The following NRG1 variants were observed in gnomAD, a reference collection of about 807,000 sequenced individuals.
NRG1 encodes the protein pro-neuregulin-1, membrane-bound isoform.
NRG1 carries 18 observed loss-of-function variants against 63.8 expected under a neutral mutation model. The observed-to-expected ratio is 0.28, with a 90% CI of 0.19 to 0.42. The LOEUF is 0.42. Among genes scored for constraint, NRG1 ranks in the 10% least tolerant of loss-of-function variants. The probability of loss-of-function intolerance (pLI) is 1.00; values close to 1 mark genes in which losing one functional copy is unlikely to be tolerated. For missense variants in NRG1, 762 were observed against 814.7 expected (o/e 0.94, Z 0.79); for synonymous variants, 302 against 301.3 (o/e 1.00, Z -0.02).
At chr8:31,829,362 G>A (rs1824885722) in intron 1 of NRG1, among the ~76,000 whole-genome samples, 1 of 152,140 alleles carries the variant, frequency 6.6e-6, no homozygotes, top group African/African-American at 2.4e-5. Flanking sequence ...CAATAAACAT[G>A]GTGAATTCAT....
intron 5 of NRG1, among the ~76,000 whole-genome samples, chr8:32,636,549 C>T (rs1851373366): frequency 6.6e-6 from 1 of 152,130 alleles, no homozygotes. Context: ...AAGGATTCTA[C>T]TGATTTCAAC....
At chr8:31,920,742 G>A (rs556556683) in intron 1 of NRG1, among the ~76,000 whole-genome samples, 1 of 152,152 alleles carries the variant, frequency 6.6e-6, no homozygotes, top group East Asian at 1.9e-4. Flanking sequence ...TATCTCAAAG[G>A]GTTGTTGTGA....
chr8:31,980,867 C>A (rs1250529950), intron 1 of NRG1, among the ~76,000 whole-genome samples: 4 of 151,600 alleles, frequency 2.6e-5, no homozygotes, highest in Non-Finnish European at 5.9e-5. Context: ...GAGAATAACA[C>A]GTTGATATCT....
rs188262300 is a variant in NRG1, at chr8:32,070,584, G to A, written c.37+431153G>A. ...ATTTTGATTTATTTTCCTTTTCATA[G>A]CCACCTTATCAAAAAGTCCTGCTAC... On this transcript the variant is annotated intron_variant, in intron 1 of 10. Transcript: ENST00000519301. Among the ~76,000 whole-genome samples the A allele has an allele frequency of 4.6e-5, 7 of 152,108 alleles. No homozygotes were observed. The East Asian group carries it at 1.4e-3, about 29-fold the overall frequency.
At chr8:32,056,670 C>T (rs1822996469) in intron 1 of NRG1, among the ~76,000 whole-genome samples, 1 of 152,154 alleles carries the variant, frequency 6.6e-6, no homozygotes, top group Non-Finnish European at 1.5e-5. Context: ...AATCAACTCA[C>T]TGCAGTCCTT....
intron 1 of NRG1, among the ~76,000 whole-genome samples, chr8:32,508,552 C>T (rs1235943452): frequency 6.6e-6 from 1 of 152,078 alleles, no homozygotes; most frequent in Admixed American, 6.6e-5. Flanking sequence ...CTGCCTCAGC[C>T]TCCCAAAGTT....
chr8:32,370,169 G>T (rs1435951236), intron 1 of NRG1, among the ~76,000 whole-genome samples: 1 of 152,168 alleles, frequency 6.6e-6, no homozygotes, highest in African/African-American at 2.4e-5. Context: ...AGTATGATTT[G>T]TTTTTTCCTA....
At chr8:31,998,866 A>G (rs1194270015) in intron 1 of NRG1, among the ~76,000 whole-genome samples, 1 of 151,974 alleles carries the variant, frequency 6.6e-6, no homozygotes, top group African/African-American at 2.4e-5. Context: ...TATTAAATCA[A>G]TGTAAATTCT....
rs530981661 is a variant in NRG1 at position 32,582,022 on chromosome 8, A to G, written c.101-13806A>G. Reference sequence around the variant, plus strand: ...AGCCCAGGGTAGGTCACTGAGGGTGAAAGTTGCATTCTCTGAAGGGAGCTT... The same window carrying G: ...AGCCCAGGGTAGGTCACTGAGGGTGGAAGTTGCATTCTCTGAAGGGAGCTT... On this transcript the variant is annotated intron_variant, in intron 1 of 11. Transcript: ENST00000356819. Among the ~76,000 whole-genome samples, 493 of 146,324 alleles carry G rather than the reference A, an allele frequency of 3.4e-3. 3 individuals are homozygous for G. Among genetic ancestry groups the G allele is most frequent in the African/African-American group, 0.012 (481 of 39,796 alleles).
chr8:31,770,284 A>T (rs577887471), intron 1 of NRG1, among the ~76,000 whole-genome samples: 1 of 152,328 alleles, frequency 6.6e-6, no homozygotes, highest in South Asian at 2.1e-4. Context: ...ACCTCTAGTA[A>T]AACCCTGAAT....
At chr8:31,731,932 G>T (rs1399294606) in intron 1 of NRG1, among the ~76,000 whole-genome samples, 2 of 152,182 alleles carry the variant, frequency 1.3e-5, no homozygotes, top group Non-Finnish European at 2.9e-5. Context: ...CCTCTGTCAT[G>T]GGGTTGCTGT....
At chr8:32,736,182 T>C (rs1454018989) in intron 6 of NRG1, among the ~76,000 whole-genome samples, 3 of 152,172 alleles carry the variant, frequency 2.0e-5, no homozygotes, top group African/African-American at 4.8e-5. Flanking sequence ...GAAAGAACGC[T>C]AAAACACAAA....
At chr8:31,897,628 T>G (rs1831683165) in intron 1 of NRG1, among the ~76,000 whole-genome samples, 1 of 152,140 alleles carries the variant, frequency 6.6e-6, no homozygotes, top group Admixed American at 6.5e-5. Flanking sequence ...ATGGGAACCC[T>G]GGTTTCCACA....
intron 1 of NRG1, among the ~76,000 whole-genome samples, chr8:32,321,953 CA>C (rs1344946081): frequency 6.6e-6 from 1 of 151,704 alleles, no homozygotes; most frequent in Non-Finnish European, 1.5e-5. Context: ...TCCAGGTGCC[CA>C]AAGGTCTTCA....
intron 11 of NRG1, 108 bp downstream of exon 11, chr8:32,760,514 G>T: frequency 6.5e-7 from 1 of 1,540,844 alleles, no homozygotes. Context: ...AATAAGGGGC[G>T]GCAGTTACCT....
intron 1 of NRG1, among the ~76,000 whole-genome samples, chr8:32,456,637 A>G (rs1821630993): frequency 1.3e-5 from 2 of 152,234 alleles, no homozygotes; most frequent in Non-Finnish European, 2.9e-5. Context: ...AATACGGTAT[A>G]GACTACATAT....
intron 1 of NRG1, among the ~76,000 whole-genome samples, chr8:31,820,492 A>G (rs1423039557): frequency 6.6e-6 from 1 of 152,202 alleles, no homozygotes; most frequent in Non-Finnish European, 1.5e-5. Flanking sequence ...CATACTGTCC[A>G]TTCAGTCATT....
chr8:32,181,089 G>A (rs1311438921), intron 1 of NRG1, among the ~76,000 whole-genome samples: 1 of 152,128 alleles, frequency 6.6e-6, no homozygotes, highest in Non-Finnish European at 1.5e-5. Flanking sequence ...TTCAAACTCA[G>A]TGGAAATTCT....
chr8:31,857,295 T>C (rs1827999255), intron 1 of NRG1, among the ~76,000 whole-genome samples: 1 of 152,268 alleles, frequency 6.6e-6, no homozygotes, highest in African/African-American at 2.4e-5. Flanking sequence ...CTGAGCCAGG[T>C]GCGGGATATA....
Sources: allele counts gnomAD v4.1 joint callset (sites outside exome capture counted in the v4.1 genomes callset), GRCh38; gene constraint gnomAD v4.1.1; transcripts MANE v1.5; gene names NCBI Gene and HGNC (gene_info 2026-07-23, HGNC 2026-07-21).